ZFAND3: variants seen among roughly 807,000 people sequenced by gnomAD.
ZFAND3 encodes the protein zinc finger AN1-type containing 3, also known as AN1-type zinc finger protein 3.
A neutral mutation model predicts 29.6 loss-of-function variants in ZFAND3; 10 were observed. The ratio of observed to expected loss-of-function variants is 0.34; its 90% CI spans 0.21 to 0.57. The LOEUF is 0.57. Ranked by LOEUF, ZFAND3 falls within the 20% of genes least tolerant of loss-of-function variation. The probability of loss-of-function intolerance (pLI) is 0.86; values close to 1 mark genes in which losing one functional copy is unlikely to be tolerated. For missense variants in ZFAND3, 230 were observed against 304.5 expected (o/e 0.76, Z 1.82); for synonymous variants, 128 against 112.6 (o/e 1.14, Z -0.87).
chr6:38,141,261 C>G (rs1285595770), intron 5 of ZFAND3, among the ~76,000 whole-genome samples: 1 of 152,216 alleles, frequency 6.6e-6, no homozygotes, highest in South Asian at 2.1e-4. Context: ...CTTTCTCCTG[C>G]TCTTCCTTTC....
At chr6:38,144,662 A>C (rs1485463668) in intron 5 of ZFAND3, among the ~76,000 whole-genome samples, 2 of 152,192 alleles carry the variant, frequency 1.3e-5, no homozygotes, top group Non-Finnish European at 2.9e-5. Flanking sequence ...TGACAATTTA[A>C]AATTTAAATG....
intron 1 of ZFAND3, among the ~76,000 whole-genome samples, chr6:37,874,149 G>T (rs1475098608): frequency 6.6e-6 from 1 of 152,142 alleles, no homozygotes; most frequent in African/African-American, 2.4e-5. Flanking sequence ...CTTCTTCTTG[G>T]TTTGTAGATG....
rs549116592 is a variant in ZFAND3 at position 38,145,871 on chromosome 6, GCCCCTAC to G, written c.530-6358_530-6352del. On this transcript the variant is annotated intron_variant, in intron 5 of 5. Transcript: ENST00000287218. ...AAATACCTGTCCTTCCGAGAGAAGT[GCCCCTAC>G]CCCCTGCCTCTCTATTCCGGGTGAG... Among the ~76,000 whole-genome samples, 454 of 152,296 alleles carry G rather than the reference GCCCCTAC, an allele frequency of 3.0e-3. 4 individuals carry two copies. The highest frequency in any genetic ancestry group is 0.02 in the South Asian group (94 of 4,816).
intron 2 of ZFAND3, among the ~76,000 whole-genome samples, chr6:37,953,420 G>A (rs575789559): frequency 1.5e-4 from 20 of 133,924 alleles, no homozygotes; most frequent in Non-Finnish European, 1.8e-4. Flanking sequence ...GTTGTCATAC[G>A]TTTTACTTTT....
chr6:38,105,555 T>TG (rs1176075466), intron 4 of ZFAND3, among the ~76,000 whole-genome samples: 7 of 152,064 alleles, frequency 4.6e-5, no homozygotes, highest in Non-Finnish European at 1.0e-4. Flanking sequence ...CAGGGATCAG[T>TG]GGGGAACAGA....
At chr6:38,109,752 A>G (rs1370512120) in intron 4 of ZFAND3, among the ~76,000 whole-genome samples, 1 of 152,124 alleles carries the variant, frequency 6.6e-6, no homozygotes. Flanking sequence ...TAATTTTATT[A>G]TGACTCCTGA....
At chr6:38,059,115 A>G (rs1764187550) in intron 2 of ZFAND3, among the ~76,000 whole-genome samples, 1 of 152,236 alleles carries the variant, frequency 6.6e-6, no homozygotes, top group East Asian at 1.9e-4. Flanking sequence ...GAATAAAGAC[A>G]ATAATCACAC....
intron 1 of ZFAND3, 119 bp from the exon 2 acceptor site, chr6:37,929,840 A>C: frequency 2.5e-6 from 2 of 799,516 alleles, no homozygotes; most frequent in Non-Finnish European, 3.7e-6. Context: ...TTATCAGTTT[A>C]TTAGTTCAGT....
chr6:37,993,401 A>G (rs1468823882), intron 2 of ZFAND3, among the ~76,000 whole-genome samples: 1 of 151,556 alleles, frequency 6.6e-6, no homozygotes, highest in African/African-American at 2.4e-5. Flanking sequence ...ATCTCAGCTC[A>G]CTGCAACCTC....
At chr6:37,886,189 G>C (rs1461111923) in intron 1 of ZFAND3, among the ~76,000 whole-genome samples, 2 of 135,988 alleles carry the variant, frequency 1.5e-5, no homozygotes, top group Non-Finnish European at 3.1e-5. Flanking sequence ...AGTGAGCTGA[G>C]ATTGCGCCAC....
chr6:38,013,924 TAA>T (rs1763206960), intron 2 of ZFAND3, among the ~76,000 whole-genome samples: 1 of 152,228 alleles, frequency 6.6e-6, no homozygotes. Flanking sequence ...TCCTGACATT[TAA>T]AGTTTTGCTT....
At chr6:38,077,746 A>G (rs1764583154) in intron 3 of ZFAND3, among the ~76,000 whole-genome samples, 1 of 152,198 alleles carries the variant, frequency 6.6e-6, no homozygotes. Context: ...GTTGATCTCT[A>G]TTTCAAGATT....
intron 1 of ZFAND3, among the ~76,000 whole-genome samples, chr6:37,861,062 G>C (rs997790969): frequency 1.3e-5 from 2 of 152,080 alleles, no homozygotes; most frequent in African/African-American, 4.8e-5. Context: ...TTCAAGACCA[G>C]CCTGGCCAAC....
In ZFAND3 at chr6:38,152,747, G is replaced by T; in HGVS notation, c.*358G>T. 9.9e-7 allele frequency: 1 copy of T among 1,007,494 alleles called. No homozygotes were observed. The highest frequency in any genetic ancestry group is 1.7e-5 in the African/African-American group (1 of 58,260). The allele number at this position is 1,007,494 out of a possible 1,614,324, so 62.4% of individuals were successfully genotyped here. A position where few individuals can be genotyped will look rare whatever the true frequency, so the allele number is the denominator to read the frequency against. ...AGACGGAGACTCTGAGTTAATAGAG[G>T]AGTAGAAGCTGGTGTTAAAGTTCCC... On this transcript the variant is annotated 3_prime_UTR_variant, in exon 6 of 6. Coordinates refer to ENST00000287218, the MANE Select transcript of ZFAND3 (RefSeq NM_021943.3).
intron 1 of ZFAND3, among the ~76,000 whole-genome samples, chr6:37,822,787 G>C (rs964184525): frequency 6.6e-6 from 1 of 152,178 alleles, no homozygotes; most frequent in African/African-American, 2.4e-5. Context: ...GACTAACATG[G>C]GTGAAGGCCG....
chr6:37,900,971 A>G (rs1228900089), intron 1 of ZFAND3, among the ~76,000 whole-genome samples: 2 of 152,122 alleles, frequency 1.3e-5, no homozygotes, highest in African/African-American at 4.8e-5. Flanking sequence ...AGTGTGTGAA[A>G]GACAGGAGTG....
At chr6:37,910,714 A>G (rs1426705734) in intron 1 of ZFAND3, among the ~76,000 whole-genome samples, 4 of 152,126 alleles carry the variant, frequency 2.6e-5, no homozygotes, top group Admixed American at 1.3e-4. Context: ...CCTTTGATGA[A>G]CATATCCCCA....
chr6:38,099,096 C>T (rs1235888548), intron 4 of ZFAND3, among the ~76,000 whole-genome samples: 1 of 152,126 alleles, frequency 6.6e-6, no homozygotes, highest in Non-Finnish European at 1.5e-5. Context: ...ATACTAACAA[C>T]TGAGAACTCT....
chr6:38,115,402 G>A (rs956656679), intron 4 of ZFAND3, among the ~76,000 whole-genome samples: 5 of 152,172 alleles, frequency 3.3e-5, no homozygotes, highest in Admixed American at 6.5e-5. Flanking sequence ...CTGACAAGGG[G>A]AGCTATTAGA....
Sources: allele counts gnomAD v4.1 joint callset (sites outside exome capture counted in the v4.1 genomes callset), GRCh38; gene constraint gnomAD v4.1.1; transcripts MANE v1.5; gene names NCBI Gene and HGNC (gene_info 2026-07-23, HGNC 2026-07-21).